Variants in FAT3 observed in about 807,000 individuals in gnomAD.
The protein encoded by FAT3 is protocadherin Fat 3.
In FAT3, 95 loss-of-function variants were observed where a neutral mutation model predicts 310.2. The observed-to-expected ratio is 0.31, with a 90% CI of 0.26 to 0.36. FAT3 has a LOEUF of 0.36. FAT3 is among the 10% of genes least tolerant of loss of function. The probability of loss-of-function intolerance (pLI) is 1.00; values close to 1 mark genes in which losing one functional copy is unlikely to be tolerated. For missense variants in FAT3, 5,408 were observed against 5,715.6 expected, an observed-to-expected ratio of 0.95 and a Z score of 1.74; for synonymous variants, 2,314 against 2,192.9, an observed-to-expected ratio of 1.06 and a Z score of -1.54.
chr11:92,587,509 CA>C (rs1939215385), intron 3 of FAT3, among the ~76,000 whole-genome samples: 2 of 151,966 alleles, frequency 1.3e-5, no homozygotes, highest in Non-Finnish European at 2.9e-5. Context: ...TGTAGTTGCA[CA>C]GACTAAAATG....
chr11:92,454,500 A>G (rs1473528925), intron 2 of FAT3, among the ~76,000 whole-genome samples: 2 of 152,178 alleles, frequency 1.3e-5, no homozygotes, highest in African/African-American at 4.8e-5. Context: ...TTTCTGTTTC[A>G]TCCCACTCCA....
chr11:92,414,990 A>ATCT (rs1950377151), intron 2 of FAT3, among the ~76,000 whole-genome samples: 1 of 138,096 alleles, frequency 7.2e-6, no homozygotes, highest in African/African-American at 2.8e-5. Flanking sequence ...AGGCTGGGCA[A>ATCT]GAGTGCAAGA....
chr11:92,863,039 T>C (rs1439898997), intron 21 of FAT3, among the ~76,000 whole-genome samples: 1 of 152,212 alleles, frequency 6.6e-6, no homozygotes, highest in Non-Finnish European at 1.5e-5. Flanking sequence ...ATTCATTTAC[T>C]CATTTAAAAT....
intron 7 of FAT3, among the ~76,000 whole-genome samples, chr11:92,776,043 TAA>T (rs1190222271): frequency 2.0e-5 from 3 of 152,200 alleles, no homozygotes; most frequent in East Asian, 3.8e-4. Context: ...AATGTGAATT[TAA>T]GTTTTAAAAA....
intron 3 of FAT3, among the ~76,000 whole-genome samples, chr11:92,639,616 T>C (rs1011986736): frequency 1.3e-5 from 2 of 152,168 alleles, no homozygotes; most frequent in Admixed American, 1.3e-4. Flanking sequence ...TACCTGAGCA[T>C]AGAAATGATT....
rs1942432998 is a variant in FAT3 at position 92,652,774 on chromosome 11, G to C, written c.3608-44610G>C. Among the ~76,000 whole-genome samples the C allele has an allele frequency of 2.6e-5, 4 of 152,220 alleles. 1 individual carries two copies. In the South Asian group the frequency reaches 8.3e-4, roughly 32 times the overall value. On this transcript the variant is annotated intron_variant, in intron 3 of 27. Transcript: ENST00000525166. ...CCCCTTTAAATATAGAAGCTGGGAA[G>C]ATGCTTCCTGAAGGTGCTACCACCT...
chr11:92,270,917 A>C (rs1040645936), intron 1 of FAT3, among the ~76,000 whole-genome samples: 2 of 151,812 alleles, frequency 1.3e-5, no homozygotes, highest in African/African-American at 4.8e-5. Context: ...GTCATCATCA[A>C]TTCCTCTCTT....
intron 2 of FAT3, among the ~76,000 whole-genome samples, chr11:92,458,994 GT>G (rs1565332927): frequency 2.6e-5 from 4 of 152,148 alleles, no homozygotes; most frequent in African/African-American, 7.2e-5. Context: ...ATTATAATGT[GT>G]TAAGAAAATT....
Position 92,834,870 on chromosome 11 carries a change from G to C in FAT3, c.9872G>C (p.Gly3291Ala), listed in dbSNP as rs1948359020. ...TAAAGCTCCCCATTTTTCTTCAAAG[G>C]GGGTATTTCTGTCTCTGAAGTCCTG... ...QGKFKINPKT[G>A]GISVSEVLDY... is the part of the protein sequence containing the mutation. Residue 3291 changes from glycine (G) to alanine (A), a missense_variant and splice_region_variant, in exon 15 of 28, where the codon GGG (glycine) becomes GCG (alanine). Gly to Ala is a moderately conservative substitution (Grantham distance 60). Coordinates refer to ENST00000525166, the MANE Select transcript of FAT3 (RefSeq NM_001367949.2). The C allele has an allele frequency of 4.4e-6, 7 of 1,598,422 alleles. No homozygotes were observed. Among genetic ancestry groups the C allele is most frequent in the Non-Finnish European group, 4.3e-6 (5 of 1,171,138 alleles).
chr11:92,796,474 A>G (rs1441638890), intron 9 of FAT3, among the ~76,000 whole-genome samples: 3 of 152,182 alleles, frequency 2.0e-5, no homozygotes, highest in Non-Finnish European at 2.9e-5. Context: ...ACTTTATATA[A>G]TTAGCATGTA....
chr11:92,521,463 T>A (rs1279464828), intron 2 of FAT3, among the ~76,000 whole-genome samples: 1 of 152,164 alleles, frequency 6.6e-6, no homozygotes, highest in East Asian at 1.9e-4. Flanking sequence ...CCATTTAGAA[T>A]GCCTATGGTA....
chr11:92,548,820 T>C (rs949082091), intron 3 of FAT3, among the ~76,000 whole-genome samples: 1 of 152,174 alleles, frequency 6.6e-6, no homozygotes, highest in Non-Finnish European at 1.5e-5. Context: ...ATATTTTAAA[T>C]GTAATTTAAA....
rs1271357982 is a variant in FAT3, at chr11:92,308,549, G to C, written c.-17-43547G>C. ...GCAAACTAAGTCCTGTTTACCACAG[G>C]TTAGCTAACATGTATATGAGTCAAT... On this transcript the variant is annotated intron_variant, in intron 1 of 27. Transcript: ENST00000525166. Among the ~76,000 whole-genome samples the C allele has an allele frequency of 2.0e-5, 3 of 152,060 alleles. No individual in the cohort carries two copies. In the South Asian group the frequency reaches 6.2e-4, roughly 31 times the overall value.
chr11:92,374,999 C>T (rs1388208303), intron 2 of FAT3, among the ~76,000 whole-genome samples: 2 of 152,138 alleles, frequency 1.3e-5, no homozygotes, highest in East Asian at 1.9e-4. Flanking sequence ...AAAACATTCA[C>T]GCAGAGAAAG....
intron 3 of FAT3, among the ~76,000 whole-genome samples, chr11:92,560,452 T>A (rs1231961860): frequency 6.6e-6 from 1 of 151,492 alleles, no homozygotes; most frequent in Non-Finnish European, 1.5e-5. Flanking sequence ...AGTCTAGGTT[T>A]TTTTTTTATT....
rs372377950 is a variant in FAT3 at position 92,353,352 on chromosome 11, G to A, written c.1240G>A (p.Gly414Ser). 16 of 1,613,382 alleles carry A rather than the reference G, an allele frequency of 9.9e-6. No homozygotes were observed. In the African/African-American group the frequency reaches 1.9e-4, roughly 19 times the overall value. ...PIDVEYKLSP[G>S]EDAVYFKINP... ...AGATGTGGAATACAAATTATCTCCT[G>A]GTGAGGATGCAGTGTACTTTAAAAT... Residue 414 changes from glycine to serine, a missense_variant, in exon 2 of 28, where the codon GGT (glycine) becomes AGT (serine). Gly to Ser is a moderately conservative substitution (Grantham distance 56, BLOSUM62 0). Around this residue, in one of 5 missense-constraint regions of FAT3, gnomAD observed 4,588 missense variants for 4,809.8 expected, o/e 0.95. Transcript: ENST00000525166.
intron 1 of FAT3, among the ~76,000 whole-genome samples, chr11:92,266,182 A>C (rs1410435328): frequency 6.6e-6 from 1 of 152,190 alleles, no homozygotes; most frequent in Non-Finnish European, 1.5e-5. Flanking sequence ...CTAGTGTTTC[A>C]TTAAGGGAAA....
Position 92,330,818 on chromosome 11 carries a change from G to A in FAT3, c.-17-21278G>A, listed in dbSNP as rs184585579. ...TATTTTTTAGAATATTAGCACTTTG[G>A]AAGGAAAGGCTTTAAATATCTGATA... On this transcript the variant is annotated intron_variant, in intron 1 of 27. Coordinates refer to ENST00000525166, the MANE Select transcript of FAT3 (RefSeq NM_001367949.2). Among the ~76,000 whole-genome samples the A allele has an allele frequency of 4.8e-3, 729 of 152,210 alleles. 2 individuals carry two copies. The highest frequency in any genetic ancestry group is 6.5e-3 in the Non-Finnish European group (445 of 67,998).
chr11:92,365,348 A>G (rs1368865451), intron 2 of FAT3, among the ~76,000 whole-genome samples: 1 of 152,178 alleles, frequency 6.6e-6, no homozygotes, highest in African/African-American at 2.4e-5. Context: ...GGCAAATGGT[A>G]AAAAAACAGA....
Sources: allele counts gnomAD v4.1 joint callset (sites outside exome capture counted in the v4.1 genomes callset), GRCh38; gene constraint gnomAD v4.1.1; regional missense constraint gnomAD v4.1.1; transcripts MANE v1.5; gene names NCBI Gene and HGNC (gene_info 2026-07-23, HGNC 2026-07-21).